Variants in KIAA1217 observed in about 807,000 individuals in gnomAD.
KIAA1217 encodes KIAA1217, also known as sickle tail protein homolog.
KIAA1217 carries 88 observed loss-of-function variants against 163.9 expected under a neutral mutation model. The observed-to-expected ratio is 0.54, with a 90% confidence interval of 0.45 to 0.64. KIAA1217 has a LOEUF of 0.64. KIAA1217 is among the 30% of genes least tolerant of loss of function. The pLI is 0.00. For synonymous variants in KIAA1217, 903 were observed against 923.1 expected, an observed-to-expected ratio of 0.98 and a Z score of 0.39; for missense variants, 2,372 against 2,475.0, an observed-to-expected ratio of 0.96 and a Z score of 0.88.
At chr10:24,153,754 C>A (rs2064736268) in intron 2 of KIAA1217, among the ~76,000 whole-genome samples, 1 of 152,138 alleles carries the variant, frequency 6.6e-6, no homozygotes, top group Admixed American at 6.5e-5. Context: ...CACTCCTGGG[C>A]CAGTGACTCT....
intron 2 of KIAA1217, among the ~76,000 whole-genome samples, chr10:24,363,509 G>A (rs2050296770): frequency 6.6e-6 from 1 of 150,484 alleles, no homozygotes; most frequent in Non-Finnish European, 1.5e-5. Context: ...CCTTGAGGTA[G>A]TTGAGTCTTC....
At chr10:24,256,504 C>T (rs7913854) in intron 2 of KIAA1217, among the ~76,000 whole-genome samples, 41,677 of 151,912 alleles carry the variant, frequency 0.27, 6,348 homozygotes, top group Non-Finnish European at 0.35. Context: ...TCTGGCTTCC[C>T]ATTGCCTAAA....
At position 24,542,983 on chromosome 10, in the gene KIAA1217, A is replaced by C. The variant is rs758598235; in HGVS notation, c.3713A>C (p.Glu1238Ala). Reference sequence around the variant, plus strand: ...TCAAGAACATCAGAATATAAAACTGAGATCATAATGAAGGAAAATTCCATA... The same window carrying C: ...TCAAGAACATCAGAATATAAAACTGCGATCATAATGAAGGAAAATTCCATA... The part of the protein sequence containing the change: ...DASRTSEYKT[E>A]IIMKENSISN... The change falls in exon 19 of 21, where the codon GAG becomes GCG. Residue 1238 changes from glutamate (E) to alanine (A), a missense_variant. By Grantham distance (107) the Glu-to-Ala change is moderately radical. Transcript: ENST00000376454. The C allele has an allele frequency of 1.9e-6, 3 of 1,613,672 alleles. No individual in the cohort carries two copies. The African/African-American group carries it at 4.0e-5, about 22-fold the overall frequency.
At chr10:24,408,981 G>A (rs7078341) in intron 3 of KIAA1217, among the ~76,000 whole-genome samples, 11,866 of 152,234 alleles carry the variant, frequency 0.078, 991 homozygotes, top group African/African-American at 0.2. Flanking sequence ...TCCTAGTATG[G>A]TGCCTGCACA....
intron 1 of KIAA1217, among the ~76,000 whole-genome samples, chr10:23,952,506 A>C (rs988996620): frequency 2.0e-5 from 3 of 152,214 alleles, no homozygotes; most frequent in African/African-American, 4.8e-5. Flanking sequence ...AATTCTAAGT[A>C]CCTGAATGCT....
intron 19 of KIAA1217, 28 bp from the exon 20 acceptor site, chr10:24,544,953 T>A: frequency 6.2e-7 from 1 of 1,608,822 alleles, no homozygotes; most frequent in Non-Finnish European, 8.5e-7. Flanking sequence ...TCTCCTTCTC[T>A]TCCCCCTCTC....
chr10:24,500,193 G>A (rs1205865704), intron 8 of KIAA1217, among the ~76,000 whole-genome samples: 1 of 150,688 alleles, frequency 6.6e-6, no homozygotes, highest in African/African-American at 2.4e-5. Context: ...AAGTGTGTGT[G>A]TGTGTGTGTG....
intron 1 of KIAA1217, among the ~76,000 whole-genome samples, chr10:23,878,068 T>A (rs570751161): frequency 7.2e-5 from 11 of 152,020 alleles, no homozygotes; most frequent in Admixed American, 6.6e-4. Context: ...AAATGCCCTC[T>A]GCTTTTTTTT....
intron 2 of KIAA1217, chr10:24,368,737 T>A: frequency 4.6e-6 from 2 of 436,370 alleles, no homozygotes; most frequent in Non-Finnish European, 6.0e-6. Context: ...GGTTTGTTTG[T>A]ACCCTTCTCC....
chr10:24,504,950 C>G (rs1015795233), intron 9 of KIAA1217, among the ~76,000 whole-genome samples: 1 of 152,136 alleles, frequency 6.6e-6, no homozygotes, highest in South Asian at 2.1e-4. Context: ...CAGGAGTTAT[C>G]GGTCTAAGAG....
At chr10:24,213,058 C>A (rs868817869) in intron 1 of KIAA1217, among the ~76,000 whole-genome samples, 5 of 152,294 alleles carry the variant, frequency 3.3e-5, no homozygotes, top group Middle Eastern at 3.4e-3. Context: ...ACAGTTGTAA[C>A]CCAGAGCTGT....
chr10:24,209,007 C>G, upstream of KIAA1217: 3 of 586,010 alleles, frequency 5.1e-6, no homozygotes, highest in South Asian at 6.0e-5. Context: ...CAAGAGGCCC[C>G]GCGCTGGAAT....
chr10:24,157,405 A>T (rs983281085), intron 2 of KIAA1217, among the ~76,000 whole-genome samples: 9 of 152,128 alleles, frequency 5.9e-5, no homozygotes, highest in African/African-American at 2.2e-4. Flanking sequence ...CCTTTATCAG[A>T]TGTGTGTTTT....
Position 24,530,809 on chromosome 10 carries a change from T to C in KIAA1217, c.3083-1021T>C, listed in dbSNP as rs576209919. 4.6e-5 allele frequency among the ~76,000 whole-genome samples: 7 copies of C among 152,174 alleles called. No individual in the cohort carries two copies. The East Asian group carries it at 7.7e-4, about 17-fold the overall frequency. ...GCTACTCTGGGCTGGGGCAGGAAGA[T>C]TGCTTGAGCCCAGGAGTTTGAGGCT... On this transcript the variant is annotated intron_variant, in intron 14 of 20. Transcript: ENST00000376454.
intron 1 of KIAA1217, among the ~76,000 whole-genome samples, chr10:23,723,158 C>G (rs1225333519): frequency 2.0e-5 from 3 of 152,092 alleles, no homozygotes; most frequent in Admixed American, 2.0e-4. Flanking sequence ...TGGCCGTGAC[C>G]ACTTTAGCCT....
chr10:23,952,323 G>A (rs1410152993), intron 1 of KIAA1217, among the ~76,000 whole-genome samples: 1 of 152,166 alleles, frequency 6.6e-6, no homozygotes, highest in Non-Finnish European at 1.5e-5. Context: ...GATAACCATT[G>A]CTTCCCGTGT....
intron 1 of KIAA1217, among the ~76,000 whole-genome samples, chr10:23,946,904 C>T (rs1338690945): frequency 1.3e-5 from 2 of 152,118 alleles, no homozygotes; most frequent in East Asian, 1.9e-4. Context: ...CCCCACGTTT[C>T]GTGGGAGGGA....
At chr10:23,886,320 T>C (rs1324838051) in intron 1 of KIAA1217, among the ~76,000 whole-genome samples, 1 of 151,994 alleles carries the variant, frequency 6.6e-6, no homozygotes, top group Non-Finnish European at 1.5e-5. Flanking sequence ...TTTGAATGTC[T>C]GGTGTCTCAT....
At chr10:24,235,615 C>T (rs2072127384) in intron 2 of KIAA1217, among the ~76,000 whole-genome samples, 1 of 152,166 alleles carries the variant, frequency 6.6e-6, no homozygotes, top group Non-Finnish European at 1.5e-5. Flanking sequence ...ATCTGTTTGC[C>T]CTGGGGTTTT....
Sources: gnomAD v4.1 joint callset for allele counts (sites outside exome capture counted in the v4.1 genomes callset) on GRCh38, gnomAD v4.1.1 for gene constraint, MANE v1.5 for transcripts, NCBI Gene and HGNC (gene_info 2026-07-23, HGNC 2026-07-21) for gene names.